The following PXDN variants were observed in gnomAD, a reference collection of about 807,000 sequenced individuals.
PXDN encodes peroxidasin homolog.
In PXDN, 77 loss-of-function variants were observed where a neutral mutation model predicts 140.3. The ratio of observed to expected loss-of-function variants is 0.55; its 90% confidence interval spans 0.46 to 0.66. PXDN has a LOEUF of 0.66. Ranked by LOEUF, PXDN falls within the 30% of genes least tolerant of loss-of-function variation. PXDN has a pLI of 0.00. For synonymous variants in PXDN, 911 were observed against 857.4 expected (o/e 1.06, Z -1.09); for missense variants, 1,838 against 2,039.5 (o/e 0.90, Z 1.90).
In PXDN at chr2:1,698,805, C is replaced by T. The variant is rs569545455; in HGVS notation, c.201-5671G>A. On this transcript the variant is annotated intron_variant, in intron 1 of 22. Coordinates refer to ENST00000252804, the MANE Select transcript of PXDN (RefSeq NM_012293.3). Reference sequence around the variant, plus strand: ...AGGGAACGTCGACGCCAACACAAGCCCTCTCAAGTTCAAAGAGAAGACTGC... The same window carrying T: ...AGGGAACGTCGACGCCAACACAAGCTCTCTCAAGTTCAAAGAGAAGACTGC... 2.8e-4 allele frequency among the ~76,000 whole-genome samples: 42 copies of T among 152,234 alleles called. No homozygotes were observed. In the South Asian group the frequency reaches 8.1e-3, roughly 29 times the overall value.
chr2:1,677,657 G>A (rs551579259), intron 7 of PXDN, among the ~76,000 whole-genome samples: 1 of 151,830 alleles, frequency 6.6e-6, no homozygotes, highest in East Asian at 1.9e-4. Context: ...CCTTCCTCGA[G>A]GGCTGACGGC....
chr2:1,644,517 C>A (rs1378281336), intron 18 of PXDN, 101 bp downstream of exon 18: 2 of 1,305,954 alleles, frequency 1.5e-6, no homozygotes, highest in Non-Finnish European at 1.0e-6. Context: ...GACACTAGGG[C>A]CTCGTGCCTC....
intron 2 of PXDN, chr2:1,692,488 C>T (rs760230619): frequency 7.2e-5 from 34 of 471,494 alleles, no homozygotes; most frequent in Admixed American, 3.5e-4. Context: ...AGTGGATAGG[C>T]GGCCCAGACA....
At chr2:1,726,444 G>T (rs950759403) in intron 1 of PXDN, among the ~76,000 whole-genome samples, 1 of 143,484 alleles carries the variant, frequency 7.0e-6, no homozygotes, top group Admixed American at 7.0e-5. Context: ...CGGGGGAGGG[G>T]GGGAGGGATA....
chr2:1,671,078 T>C (rs141477799), intron 9 of PXDN, among the ~76,000 whole-genome samples: 1,683 of 151,940 alleles, frequency 0.011, 38 homozygotes, highest in African/African-American at 0.039. Flanking sequence ...ATAATAATGT[T>C]TATAGGTTTA....
intron 1 of PXDN, among the ~76,000 whole-genome samples, chr2:1,712,258 T>C (rs10184189): frequency 0.093 from 14,114 of 152,246 alleles, 1,582 homozygotes; most frequent in African/African-American, 0.27. Flanking sequence ...GGTTTCTGAG[T>C]TTAATCAGCA....
intron 1 of PXDN, among the ~76,000 whole-genome samples, chr2:1,738,868 G>A (rs542589076): frequency 2.0e-4 from 31 of 152,256 alleles, no homozygotes; most frequent in African/African-American, 7.2e-4. Flanking sequence ...CTCTTACCCA[G>A]CTTTGAGATT....
intron 21 of PXDN, among the ~76,000 whole-genome samples, chr2:1,638,531 T>C (rs544158768): frequency 1.5e-3 from 227 of 152,276 alleles, no homozygotes; most frequent in Non-Finnish European, 2.6e-3. Flanking sequence ...CAGGACTTCA[T>C]GTCTGAACTC....
chr2:1,712,355 A>T (rs1479028469), intron 1 of PXDN, among the ~76,000 whole-genome samples: 5 of 152,190 alleles, frequency 3.3e-5, no homozygotes, highest in Non-Finnish European at 7.3e-5. Context: ...GTGATGTTTC[A>T]CTTTTTTGTA....
intron 1 of PXDN, among the ~76,000 whole-genome samples, chr2:1,717,022 G>C (rs894002110): frequency 6.6e-6 from 1 of 152,134 alleles, no homozygotes; most frequent in African/African-American, 2.4e-5. Context: ...TGGTAAGCAC[G>C]ATCTCTGCTG....
chr2:1,673,272 C>G (rs1318439425), intron 9 of PXDN, among the ~76,000 whole-genome samples: 1 of 152,152 alleles, frequency 6.6e-6, no homozygotes, highest in Non-Finnish European at 1.5e-5. Flanking sequence ...AAATAGAGAC[C>G]TCGTTACCAC....
chr2:1,661,710 G>A (rs74996124), intron 13 of PXDN, among the ~76,000 whole-genome samples: 2,393 of 152,240 alleles, frequency 0.016, 64 homozygotes, highest in African/African-American at 0.055. Context: ...ATGAAATAAC[G>A]ATGAAAACCC....
At position 1,660,926 on chromosome 2, in the gene PXDN, T is replaced by A. The variant is rs1683289541; in HGVS notation, c.1792A>T (p.Asn598Tyr). 1 of 1,613,838 alleles carries A rather than the reference T, an allele frequency of 6.2e-7. No individual in the cohort carries two copies. Among genetic ancestry groups the A allele is most frequent in the South Asian group, 1.1e-5 (1 of 91,080 alleles). ...DAGRYECVAR[N>Y]TIGSASVSMV... is the part of the protein sequence containing the mutation. ...CTCACCGAGGCCGACCCAATGGTGTTCCGGGCCACACACTCATAGCGACCT... is the reference window on the plus strand; with the variant it reads ...CTCACCGAGGCCGACCCAATGGTGTACCGGGCCACACACTCATAGCGACCT... Residue 598 changes from asparagine (N) to tyrosine (Y), a missense_variant, in exon 14 of 23, where the codon AAC (asparagine) becomes TAC (tyrosine). By Grantham distance (143) the Asn-to-Tyr change is moderately radical. Around this residue, in one of 5 missense-constraint regions of PXDN, gnomAD observed 537 missense variants for 583.9 expected, o/e 0.92. Transcript: ENST00000252804. This position sits in a 1 kb window ranked among gnomAD's most constrained non-coding sequence, Gnocchi z 4.6.
chr2:1,713,601 A>C (rs1684831391), intron 1 of PXDN, among the ~76,000 whole-genome samples: 1 of 152,200 alleles, frequency 6.6e-6, no homozygotes, highest in African/African-American at 2.4e-5. Flanking sequence ...CTCATAGCCC[A>C]GGGTGGCCGC....
At chr2:1,696,106 T>C (rs4853847) in intron 1 of PXDN, among the ~76,000 whole-genome samples, 134,847 of 152,304 alleles carry the variant, frequency 0.89, 60,131 homozygotes, top group Middle Eastern at 0.95. Context: ...TACAAACAAA[T>C]AGAACATAAA....
At chr2:1,684,666 A>G (rs1340815596) in intron 4 of PXDN, among the ~76,000 whole-genome samples, 1 of 152,208 alleles carries the variant, frequency 6.6e-6, no homozygotes, top group Non-Finnish European at 1.5e-5. Context: ...ATGTCACACA[A>G]CTTTCTCCAT....
intron 1 of PXDN, among the ~76,000 whole-genome samples, chr2:1,733,293 G>A (rs1232810141): frequency 1.3e-5 from 2 of 151,812 alleles, no homozygotes; most frequent in Middle Eastern, 3.2e-3. Flanking sequence ...AAAAAACACA[G>A]AGAAAACCAC....
intron 1 of PXDN, among the ~76,000 whole-genome samples, chr2:1,735,459 T>G (rs2125493853): frequency 6.6e-6 from 1 of 152,318 alleles, no homozygotes; most frequent in Non-Finnish European, 1.5e-5. Context: ...AGAATAGATG[T>G]TTTGTGTTAG....
At chr2:1,723,818 T>C (rs76085067) in intron 1 of PXDN, among the ~76,000 whole-genome samples, 22,418 of 152,128 alleles carry the variant, frequency 0.15, 2,125 homozygotes, top group East Asian at 0.31. Flanking sequence ...AGAAAACAAA[T>C]GTTCAAGACT....
Sources: allele counts gnomAD v4.1 joint callset (sites outside exome capture counted in the v4.1 genomes callset), GRCh38; gene constraint gnomAD v4.1.1; regional missense constraint gnomAD v4.1.1; non-coding constraint Gnocchi (gnomAD v3.1); transcripts MANE v1.5; gene names NCBI Gene and HGNC (gene_info 2026-07-23, HGNC 2026-07-21).